SRL: variants seen among roughly 807,000 people sequenced by gnomAD.
The protein encoded by SRL is sarcalumenin.
SRL carries 23 observed loss-of-function variants against 39.5 expected under a neutral mutation model. That is an observed-to-expected ratio of 0.58 (90% CI 0.42 to 0.82). The LOEUF is 0.82. Among genes scored for constraint, SRL ranks in the 40% least tolerant of loss-of-function variants. SRL has a pLI of 0.00. For synonymous variants in SRL, 272 were observed against 237.4 expected (o/e 1.15, Z -1.34); for missense variants, 592 against 607.8 (o/e 0.97, Z 0.27).
At chr16:4,216,018 A>G (rs1326577035) in intron 1 of SRL, among the ~76,000 whole-genome samples, 1 of 152,010 alleles carries the variant, frequency 6.6e-6, no homozygotes, top group Non-Finnish European at 1.5e-5. Flanking sequence ...CCTAGGCAAC[A>G]GAGGGAGACC....
chr16:4,195,769 AG>A lies in SRL; in HGVS notation c.393del (p.Ser132LeufsTer12). ...YQLYTGAEPT[T>X]SEFTVLMHGP... The stretch of plus-strand genomic sequence containing the variant: ...CCATGCATGAGGACCGTGAACTCAG[AG>A]GTGGTGGGTTCAGCGCCTGGGCACA... On this transcript the variant is annotated frameshift_variant, in exon 5 of 6. Transcript: ENST00000399609. LOFTEE classifies it high-confidence loss of function. 1 of 1,613,996 alleles carries A rather than the reference AG, an allele frequency of 6.2e-7. No homozygotes were observed. Among genetic ancestry groups the A allele is most frequent in the Non-Finnish European group, 8.5e-7 (1 of 1,179,962 alleles).
intron 1 of SRL, among the ~76,000 whole-genome samples, chr16:4,222,894 G>C (rs2052545619): frequency 6.6e-6 from 1 of 152,074 alleles, no homozygotes; most frequent in Admixed American, 6.5e-5. Flanking sequence ...AGGAGTTTGA[G>C]ACCAGCCTGG....
At chr16:4,202,409 T>C (rs564681404) in intron 3 of SRL, among the ~76,000 whole-genome samples, 68 of 152,204 alleles carry the variant, frequency 4.5e-4, no homozygotes, top group African/African-American at 1.3e-3. Flanking sequence ...CTGGCTAACA[T>C]GGTGAAACCC....
intron 1 of SRL, among the ~76,000 whole-genome samples, chr16:4,229,428 C>T (rs897600365): frequency 1.3e-5 from 2 of 151,372 alleles, no homozygotes; most frequent in East Asian, 1.9e-4. Context: ...CCAGCCTGGG[C>T]GACAGAGCAA....
chr16:4,194,886 T>A (rs756767536), intron 5 of SRL, among the ~76,000 whole-genome samples: 1 of 151,754 alleles, frequency 6.6e-6, no homozygotes, highest in Non-Finnish European at 1.5e-5. Context: ...TCAAAAGTAG[T>A]TTTCTTTTCT....
At chr16:4,202,971 G>C (rs527828882) in intron 3 of SRL, among the ~76,000 whole-genome samples, 195 bp downstream of exon 3, 1 of 152,330 alleles carries the variant, frequency 6.6e-6, no homozygotes, top group African/African-American at 2.4e-5. Context: ...GGGTAGTTCC[G>C]TGATGGAGGT....
chr16:4,212,609 A>C (rs1302351644), intron 1 of SRL, among the ~76,000 whole-genome samples: 1 of 152,124 alleles, frequency 6.6e-6, no homozygotes, highest in Non-Finnish European at 1.5e-5. Context: ...GAAGTACCGC[A>C]CTGTATGTGC....
intron 1 of SRL, among the ~76,000 whole-genome samples, chr16:4,228,713 T>A (rs574255445): frequency 3.3e-5 from 5 of 149,610 alleles, no homozygotes; most frequent in African/African-American, 4.9e-5. Context: ...CCAGCCTGGG[T>A]GACAGAGCAA....
Position 4,203,145 on chromosome 16 carries a change from ACCTGTT to A in SRL, c.259+15_259+20del, listed in dbSNP as rs763089941. ...CGCCGTACCCGTAATCTCAAGCCCTACCTGTTATCTCAAGCCCTACCTGTGATCTCA... is the reference window on the plus strand; with the variant it reads ...CGCCGTACCCGTAATCTCAAGCCCTAATCTCAAGCCCTACCTGTGATCTCA... On this transcript the variant is annotated intron_variant, in intron 3 of 5. Coordinates refer to ENST00000399609, the MANE Select transcript of SRL (RefSeq NM_001098814.2). 5.0e-6 allele frequency: 8 copies of A among 1,604,924 alleles called. No individual in the cohort carries two copies. The Admixed American group carries it at 5.0e-5, about 10-fold the overall frequency.
chr16:4,224,963 C>T (rs932124674), intron 1 of SRL, among the ~76,000 whole-genome samples: 1 of 152,178 alleles, frequency 6.6e-6, no homozygotes, highest in Non-Finnish European at 1.5e-5. Context: ...ACCTGGAAGA[C>T]ACGGTGGTAA....
intron 1 of SRL, among the ~76,000 whole-genome samples, chr16:4,224,301 T>A (rs1014444974): frequency 2.5e-4 from 38 of 152,124 alleles, no homozygotes; most frequent in Admixed American, 3.3e-4. Flanking sequence ...CCCCTCAGAC[T>A]TGCAGTGCCT....
chr16:4,239,336 G>A (rs185836153), intron 1 of SRL, among the ~76,000 whole-genome samples: 6 of 152,328 alleles, frequency 3.9e-5, no homozygotes, highest in Non-Finnish European at 7.4e-5. Context: ...GGTGGGGCCA[G>A]GGCAGATGGG....
In SRL at chr16:4,203,216, G is replaced by C. The variant is rs769967975; in HGVS notation, c.209C>G (p.Pro70Arg). ...LRKIYHSSIKPLEQSYKYNEL... is the reference protein window; with the variant it reads ...LRKIYHSSIKRLEQSYKYNEL... Reference sequence around the variant, plus strand: ...ATTGTACTTGTAGGACTGCTCCAGAGGCTTGATGGATGAGTGGTAGATCTT... The same window carrying C: ...ATTGTACTTGTAGGACTGCTCCAGACGCTTGATGGATGAGTGGTAGATCTT... Residue 70 changes from proline to arginine, a missense_variant, in exon 3 of 6, where the codon CCT becomes CGT. Pro to Arg is a moderately radical substitution (Grantham distance 103). Transcript: ENST00000399609. 2.0e-5 allele frequency: 33 copies of C among 1,614,108 alleles called. No individual in the cohort carries two copies. The highest frequency in any genetic ancestry group is 2.7e-5 in the Non-Finnish European group (32 of 1,180,044).
chr16:4,225,677 C>T (rs2141060511), intron 1 of SRL, among the ~76,000 whole-genome samples: 1 of 152,238 alleles, frequency 6.6e-6, no homozygotes, highest in Non-Finnish European at 1.5e-5. Flanking sequence ...AACACCCCTG[C>T]CCCCACCGGC....
At chr16:4,238,581 G>T (rs1260232306) in intron 1 of SRL, among the ~76,000 whole-genome samples, 1 of 151,502 alleles carries the variant, frequency 6.6e-6, no homozygotes, top group Non-Finnish European at 1.5e-5. Context: ...AAAACCAGCA[G>T]TTCCTAAACA....
chr16:4,231,917 C>T (rs1276971460), intron 1 of SRL, among the ~76,000 whole-genome samples: 1 of 152,178 alleles, frequency 6.6e-6, no homozygotes, highest in Non-Finnish European at 1.5e-5. Context: ...ATTATAGTCA[C>T]GAAACAGCCC....
chr16:4,223,770 T>C (rs1039003500), intron 1 of SRL, among the ~76,000 whole-genome samples: 1 of 152,102 alleles, frequency 6.6e-6, no homozygotes, highest in Admixed American at 6.6e-5. Context: ...ACCTTGATTA[T>C]GGGAGCCAAT....
intron 1 of SRL, among the ~76,000 whole-genome samples, chr16:4,205,303 G>C (rs1272124334): frequency 2.0e-5 from 3 of 152,174 alleles, no homozygotes; most frequent in African/African-American, 7.2e-5. Flanking sequence ...CACACAGCAA[G>C]ACCCTATCTT....
chr16:4,205,759 CA>C (rs2052311081), intron 1 of SRL, among the ~76,000 whole-genome samples: 1 of 151,998 alleles, frequency 6.6e-6, no homozygotes, highest in South Asian at 2.1e-4. Context: ...ATCCCAAGAG[CA>C]ATGGGAGCCA....
Sources: gnomAD v4.1 joint callset for allele counts (sites outside exome capture counted in the v4.1 genomes callset) on GRCh38, gnomAD v4.1.1 for gene constraint, MANE v1.5 for transcripts, NCBI Gene and HGNC (gene_info 2026-07-23, HGNC 2026-07-21) for gene names.